The following CPNE8 variants were observed in gnomAD, a reference collection of about 807,000 sequenced individuals.
CPNE8 encodes copine-8.
In CPNE8, 45 loss-of-function variants were observed where a neutral mutation model predicts 81.5. That is an observed-to-expected ratio of 0.55 (90% CI 0.44 to 0.71). The LOEUF (loss-of-function observed/expected upper bound fraction) is 0.71. CPNE8 is among the 30% of genes least tolerant of loss of function. The pLI is 0.00. For missense variants in CPNE8, 594 were observed against 672.1 expected (o/e 0.88, Z 1.28); for synonymous variants, 252 against 226.3 (o/e 1.11, Z -1.02).
At chr12:38,873,242 C>T (rs964610785) in intron 2 of CPNE8, among the ~76,000 whole-genome samples, 192 bp from the exon 3 acceptor site, 1 of 150,466 alleles carries the variant, frequency 6.6e-6, no homozygotes, top group African/African-American at 2.4e-5. Flanking sequence ...AAGCAGAAAA[C>T]AAACTGTTAT....
chr12:38,902,524 G>T (rs1476384105), intron 1 of CPNE8, among the ~76,000 whole-genome samples: 1 of 152,232 alleles, frequency 6.6e-6, no homozygotes, highest in Non-Finnish European at 1.5e-5. Flanking sequence ...ATCCTCAGAA[G>T]TCTCTGGTAT....
chr12:38,786,927 G>A (rs79354794), intron 6 of CPNE8, among the ~76,000 whole-genome samples: 1,979 of 151,992 alleles, frequency 0.013, 48 homozygotes, highest in African/African-American at 0.044. Context: ...ATACATATGC[G>A]CCCAACACTG....
At chr12:38,736,815 C>T (rs1443243761) in intron 10 of CPNE8, among the ~76,000 whole-genome samples, 1 of 152,006 alleles carries the variant, frequency 6.6e-6, no homozygotes, top group Non-Finnish European at 1.5e-5. Context: ...AACAGTTTCA[C>T]AAATGTAACT....
intron 4 of CPNE8, among the ~76,000 whole-genome samples, chr12:38,842,097 A>T (rs1406521181): frequency 6.6e-6 from 1 of 151,964 alleles, no homozygotes; most frequent in Non-Finnish European, 1.5e-5. Flanking sequence ...TCTCCTTCGC[A>T]TCAAGGCATT....
intron 6 of CPNE8, among the ~76,000 whole-genome samples, chr12:38,792,265 A>G (rs1401289568): frequency 6.6e-6 from 1 of 150,636 alleles, no homozygotes; most frequent in East Asian, 1.9e-4. Context: ...AGAGAATACA[A>G]AAACATTACA....
chr12:38,829,585 A>C, intron 5 of CPNE8, 130 bp from the exon 6 acceptor site: 1 of 653,804 alleles, frequency 1.5e-6, no homozygotes, highest in South Asian at 2.3e-5. Context: ...ACAATAAGTA[A>C]AATAAGCTCA....
At position 38,670,800 on chromosome 12, in the gene CPNE8, T is replaced by C; in HGVS notation, c.1435A>G (p.Met479Val). 6.2e-7 allele frequency: 1 copy of C among 1,603,730 alleles called. No individual in the cohort carries two copies. The highest frequency in any genetic ancestry group is 8.5e-7 in the Non-Finnish European group (1 of 1,173,028). The part of the protein sequence containing the change: ...VGVGPAEFDA[M>V]VELDGDDVRV... ...ACATCATCTCCATCCAATTCGACCATTGCTTTAAGAGAAAATATGATCATT... is the reference window on the plus strand; with the variant it reads ...ACATCATCTCCATCCAATTCGACCACTGCTTTAAGAGAAAATATGATCATT... Residue 479 changes from methionine (M) to valine (V), a missense_variant and splice_region_variant, in exon 19 of 20, where the codon ATG (methionine) becomes GTG (valine). Physicochemically the swap from Met to Val is conservative, Grantham distance 21. Transcript: ENST00000331366.
chr12:38,762,000 T>C, intron 9 of CPNE8, 112 bp downstream of exon 9: 2 of 467,574 alleles, frequency 4.3e-6, no homozygotes, highest in Non-Finnish European at 7.5e-6. Flanking sequence ...TTTTCATTTT[T>C]GGAAAATAAG....
intron 6 of CPNE8, among the ~76,000 whole-genome samples, chr12:38,811,548 T>G (rs898596200): frequency 3.9e-5 from 6 of 152,182 alleles, no homozygotes; most frequent in Non-Finnish European, 8.8e-5. Flanking sequence ...GGTTCCATAA[T>G]ATAATTGTTT....
chr12:38,775,946 T>C (rs898724592), intron 7 of CPNE8, among the ~76,000 whole-genome samples: 2 of 152,188 alleles, frequency 1.3e-5, no homozygotes, highest in Non-Finnish European at 2.9e-5. Flanking sequence ...AACTGATTGG[T>C]ATAACTGACT....
At chr12:38,797,934 G>C (rs564286883) in intron 6 of CPNE8, among the ~76,000 whole-genome samples, 20 of 152,272 alleles carry the variant, frequency 1.3e-4, no homozygotes, top group African/African-American at 4.3e-4. Context: ...TGATCAACTA[G>C]AAGAAAGGGT....
At chr12:38,775,554 T>C (rs1411207180) in intron 7 of CPNE8, among the ~76,000 whole-genome samples, 1 of 152,160 alleles carries the variant, frequency 6.6e-6, no homozygotes, top group Non-Finnish European at 1.5e-5. Flanking sequence ...CAGACAATAT[T>C]GACTTCAGAT....
chr12:38,747,596 T>A (rs193012849), intron 10 of CPNE8, among the ~76,000 whole-genome samples: 228 of 152,280 alleles, frequency 1.5e-3, no homozygotes, highest in Non-Finnish European at 2.4e-3. Flanking sequence ...GTATATATTT[T>A]AAGAAAATAT....
At chr12:38,809,639 A>T (rs1942894272) in intron 6 of CPNE8, among the ~76,000 whole-genome samples, 1 of 152,170 alleles carries the variant, frequency 6.6e-6, no homozygotes, top group Non-Finnish European at 1.5e-5. Context: ...GTCCTCCCAT[A>T]TAAAAACACA....
At chr12:38,906,291 C>T (rs1944570548), upstream of CPNE8, 2 of 978,624 alleles carry the variant, frequency 2.0e-6, no homozygotes, top group South Asian at 4.8e-5. Context: ...CCTTGGAACA[C>T]GGTGGCAAAG....
intron 3 of CPNE8, among the ~76,000 whole-genome samples, chr12:38,862,654 C>T (rs1217705361): frequency 1.3e-5 from 2 of 152,026 alleles, no homozygotes; most frequent in East Asian, 3.9e-4. Context: ...TTCTCAAGAA[C>T]TTAGAAGAGA....
At chr12:38,808,836 G>A (rs957096646) in intron 6 of CPNE8, among the ~76,000 whole-genome samples, 3 of 151,394 alleles carry the variant, frequency 2.0e-5, no homozygotes, top group Non-Finnish European at 4.4e-5. Flanking sequence ...CACCTCACAG[G>A]AAAAAATGGG....
At chr12:38,690,345 C>T (rs1309226897) in intron 15 of CPNE8, among the ~76,000 whole-genome samples, 1 of 152,104 alleles carries the variant, frequency 6.6e-6, no homozygotes, top group African/African-American at 2.4e-5. Context: ...CAAATACTAT[C>T]TCACTAAAGA....
At chr12:38,747,215 T>C (rs1941246380) in intron 10 of CPNE8, among the ~76,000 whole-genome samples, 3 of 152,250 alleles carry the variant, frequency 2.0e-5, no homozygotes, top group Admixed American at 2.0e-4. Context: ...CCAAAGATTT[T>C]CTACATAGAA....
Sources: allele counts gnomAD v4.1 joint callset (sites outside exome capture counted in the v4.1 genomes callset), GRCh38; gene constraint gnomAD v4.1.1; transcripts MANE v1.5; gene names NCBI Gene and HGNC (gene_info 2026-07-23, HGNC 2026-07-21).